DGLUCY: variants seen among roughly 807,000 people sequenced by gnomAD.
DGLUCY encodes the protein D-glutamate cyclase.
Under a neutral mutation model 58.5 loss-of-function variants are expected in DGLUCY, and 58 were observed. The observed-to-expected ratio is 0.99, with a 90% CI of 0.80 to 1.23. The LOEUF (loss-of-function observed/expected upper bound fraction) is 1.23, where lower values mean the gene tolerates loss of function less well. Ranked by LOEUF, DGLUCY falls within the 50% of genes most tolerant of loss-of-function variation. DGLUCY has a pLI of 0.00. For missense variants in DGLUCY, 779 were observed against 784.7 expected, an observed-to-expected ratio of 0.99 and a Z score of 0.09; for synonymous variants, 325 against 314.1, an observed-to-expected ratio of 1.03 and a Z score of -0.37.
intron 8 of DGLUCY, among the ~76,000 whole-genome samples, chr14:91,188,348 CCA>C (rs942060944): frequency 1.8e-4 from 28 of 152,184 alleles, no homozygotes; most frequent in Admixed American, 5.2e-4. Context: ...AATCTCGCGG[CCA>C]CACCAGACTG....
intron 4 of DGLUCY, among the ~76,000 whole-genome samples, chr14:91,168,176 G>A (rs2048382686): frequency 6.6e-6 from 1 of 152,002 alleles, no homozygotes; most frequent in South Asian, 2.1e-4. Context: ...AGGCTGAGGA[G>A]GATTGCTTGA....
chr14:91,136,361 A>C (rs1444305158), intron 1 of DGLUCY, among the ~76,000 whole-genome samples: 3 of 152,042 alleles, frequency 2.0e-5, no homozygotes, highest in Non-Finnish European at 2.9e-5. Flanking sequence ...TCTTAATGAA[A>C]GTTTTATGTG....
chr14:91,187,234 G>A (rs769178673), intron 8 of DGLUCY, among the ~76,000 whole-genome samples: 14 of 152,018 alleles, frequency 9.2e-5, no homozygotes, highest in Non-Finnish European at 1.9e-4. Context: ...TCCTGACCTC[G>A]TGATCCACCC....
chr14:91,162,900 G>GAA (rs77019681), intron 3 of DGLUCY, among the ~76,000 whole-genome samples: 57 of 83,824 alleles, frequency 6.8e-4, no homozygotes, highest in African/African-American at 2.2e-3. Context: ...TCTGTCTCAA[G>GAA]AAAAAAAAAA....
chr14:91,067,623 A>T (rs1017841847), intron 1 of DGLUCY, among the ~76,000 whole-genome samples: 1 of 151,302 alleles, frequency 6.6e-6, no homozygotes, highest in Non-Finnish European at 1.5e-5. Context: ...ATCTCGGCTC[A>T]CTGCAACTTC....
Position 91,188,928 on chromosome 14 carries a change from A to G in DGLUCY, c.953A>G (p.His318Arg). ...ATTTCAGGGAACCGGGGGATTGGGCACCTGCTCTGTAAAGATGAGCTGCTG... is the reference window on the plus strand; with the variant it reads ...ATTTCAGGGAACCGGGGGATTGGGCGCCTGCTCTGTAAAGATGAGCTGCTG... Reference protein sequence around the residue: ...GIDPGNRGIGHLLCKDELLKA... With the variant: ...GIDPGNRGIGRLLCKDELLKA... Residue 318 changes from histidine (H) to arginine (R), a missense_variant, in exon 9 of 14, where the codon CAC (histidine) becomes CGC (arginine). Physicochemically the swap from His to Arg is conservative, Grantham distance 29. Coordinates refer to ENST00000256324, the MANE Select transcript of DGLUCY (RefSeq NM_001102368.3). 2 of 1,614,082 alleles carry G rather than the reference A, an allele frequency of 1.2e-6. No individual in the cohort carries two copies. The highest frequency in any genetic ancestry group is 1.7e-6 in the Non-Finnish European group (2 of 1,179,976).
At chr14:91,143,421 G>A (rs1041683692) in intron 1 of DGLUCY, among the ~76,000 whole-genome samples, 31 of 152,078 alleles carry the variant, frequency 2.0e-4, no homozygotes, top group Non-Finnish European at 7.4e-5. Flanking sequence ...GTTTGCTCAG[G>A]CTGTCAGATC....
chr14:91,214,506 T>G (rs1644077076), intron 12 of DGLUCY, among the ~76,000 whole-genome samples: 1 of 152,250 alleles, frequency 6.6e-6, no homozygotes, highest in Non-Finnish European at 1.5e-5. Context: ...TTTCCTGCCC[T>G]CTGAGGGTGG....
intron 1 of DGLUCY, among the ~76,000 whole-genome samples, chr14:91,142,489 A>G (rs1019578537): frequency 1.4e-4 from 21 of 152,138 alleles, no homozygotes; most frequent in Non-Finnish European, 2.4e-4. Flanking sequence ...AGAGGAAGTT[A>G]GAAGAGGGTA....
At chr14:91,072,424 G>A (rs972830869) in intron 1 of DGLUCY, among the ~76,000 whole-genome samples, 2 of 151,932 alleles carry the variant, frequency 1.3e-5, no homozygotes, top group African/African-American at 2.4e-5. Flanking sequence ...TCTTTAAGGG[G>A]ATTATTTTAG....
chr14:91,109,939 C>T (rs565042162), upstream of DGLUCY, among the ~76,000 whole-genome samples: 1 of 152,318 alleles, frequency 6.6e-6, no homozygotes, highest in South Asian at 2.1e-4. Flanking sequence ...ATCTTGAGTT[C>T]CTGTTTCTGT....
intron 11 of DGLUCY, among the ~76,000 whole-genome samples, chr14:91,200,791 G>A (rs1036198799): frequency 6.6e-5 from 10 of 152,270 alleles, no homozygotes; most frequent in Middle Eastern, 3.4e-3. Flanking sequence ...CTTTGTGTGA[G>A]CAACAGGCTG....
intron 3 of DGLUCY, chr14:91,165,225 G>A (rs1431637915): frequency 1.8e-5 from 8 of 455,710 alleles, no homozygotes; most frequent in Non-Finnish European, 3.1e-5. Flanking sequence ...TTCTGTAACC[G>A]TAATTTTAAA....
At chr14:91,180,018 A>G (rs992404777) in intron 7 of DGLUCY, among the ~76,000 whole-genome samples, 1 of 148,440 alleles carries the variant, frequency 6.7e-6, no homozygotes, top group African/African-American at 2.5e-5. Context: ...CAGCCTCCCA[A>G]GTAGCTGGGA....
At chr14:91,107,509 C>G (rs1353024556), upstream of DGLUCY, among the ~76,000 whole-genome samples, 1 of 151,848 alleles carries the variant, frequency 6.6e-6, no homozygotes, top group African/African-American at 2.4e-5. Context: ...CAGAGTGAGA[C>G]TCCATCTCAA....
chr14:91,131,023 C>G (rs752245249), intron 1 of DGLUCY, among the ~76,000 whole-genome samples: 4 of 152,010 alleles, frequency 2.6e-5, no homozygotes, highest in Admixed American at 6.6e-5. Context: ...ACATGACTTA[C>G]TGCAGCCTCA....
chr14:91,136,969 C>CAA (rs1276548032), intron 1 of DGLUCY, among the ~76,000 whole-genome samples: 1 of 141,030 alleles, frequency 7.1e-6, no homozygotes, highest in African/African-American at 2.6e-5. Flanking sequence ...AACTTTGTCT[C>CAA]AAAAAAAAAA....
chr14:91,125,127 G>C (rs952120822), intron 1 of DGLUCY, among the ~76,000 whole-genome samples: 3 of 152,176 alleles, frequency 2.0e-5, no homozygotes, highest in Non-Finnish European at 2.9e-5. Context: ...ACAGCAGTAG[G>C]GTGGACGAGT....
chr14:91,214,853 A>C (rs1345641885), intron 12 of DGLUCY, among the ~76,000 whole-genome samples: 1 of 152,248 alleles, frequency 6.6e-6, no homozygotes, highest in Non-Finnish European at 1.5e-5. Flanking sequence ...ACTAAAAAAA[A>C]TTAAAAATAA....
Sources: gnomAD v4.1 joint callset for allele counts (sites outside exome capture counted in the v4.1 genomes callset) on GRCh38, gnomAD v4.1.1 for gene constraint, MANE v1.5 for transcripts, NCBI Gene and HGNC (gene_info 2026-07-23, HGNC 2026-07-21) for gene names.